KRTAP24-1: variants seen among roughly 807,000 people sequenced by gnomAD.
KRTAP24-1 encodes keratin associated protein 24-1, also known as keratin-associated protein 24-1.
For missense variants in KRTAP24-1, 344 were observed against 303.2 expected, an observed-to-expected ratio of 1.13 and a Z score of -1.00; for synonymous variants, 133 against 116.3, an observed-to-expected ratio of 1.14 and a Z score of -0.92.
rs771819403 is a variant in KRTAP24-1, at chr21:30,282,888, G to A, written c.45C>T (p.Cys15=). 6.2e-7 allele frequency: 1 copy of A among 1,613,626 alleles called. No homozygotes were observed. The highest frequency in any genetic ancestry group is 8.5e-7 in the Non-Finnish European group (1 of 1,179,692). ...AGTGAGTTCTGTATGATGTGGTACT[G>A]CAGACCCCAGGATAGCCTGTAGTAG... ...SMSTTGYPGV[C]STTSYRTHCY... is the part of the protein sequence containing the mutation. The change falls in exon 1 of 1, where the codon TGC becomes TGT. Residue 15 remains cysteine, a synonymous_variant. Coordinates refer to ENST00000340345, the MANE Select transcript of KRTAP24-1 (RefSeq NM_001085455.3).
chr21:30,281,909 A>G lies in KRTAP24-1; in HGVS notation c.*259T>C. 2.4e-6 allele frequency: 1 copy of G among 416,760 alleles called. No individual in the cohort carries two copies. The highest frequency in any genetic ancestry group is 4.2e-6 in the Non-Finnish European group (1 of 235,602). The allele number at this position is 416,760 out of a possible 1,614,324, so 25.8% of individuals were successfully genotyped here. A position where few individuals can be genotyped will look rare whatever the true frequency, so the allele number is the denominator to read the frequency against. ...CAAATGGAGTCTCTTCGGTAAGTCC[A>G]TTGTAATAAATCTCAGAAATAATGA... On this transcript the variant is annotated 3_prime_UTR_variant, in exon 1 of 1. Coordinates refer to ENST00000340345, the MANE Select transcript of KRTAP24-1 (RefSeq NM_001085455.3).
Position 30,282,283 on chromosome 21 carries a change from C to T in KRTAP24-1, c.650G>A (p.Ser217Asn). ...AGATAAATAGCTCAGTGGTCGGCAGCTCGTAGGCCTGTAGCTTGAATAGTG... is the reference window on the plus strand; with the variant it reads ...AGATAAATAGCTCAGTGGTCGGCAGTTCGTAGGCCTGTAGCTTGAATAGTG... ...NYHYSSYRPT[S>N]CRPLSYLSRS... Residue 217 changes from serine (S) to asparagine (N), a missense_variant, in exon 1 of 1, where the codon AGC becomes AAC. By Grantham distance (46) the Ser-to-Asn change is conservative (BLOSUM62 1). Coordinates refer to ENST00000340345, the MANE Select transcript of KRTAP24-1 (RefSeq NM_001085455.3). The T allele has an allele frequency of 6.2e-7, 1 of 1,614,038 alleles. No individual in the cohort carries two copies. Among genetic ancestry groups the T allele is most frequent in the Non-Finnish European group, 8.5e-7 (1 of 1,179,976 alleles).
chr21:30,282,628 TG>T, the KRTAP24-1 span: 1 of 1,589,524 alleles, frequency 6.3e-7, no homozygotes. Context: ...ACTGAAGACT[TG>T]GCCTGCTGAT....
chr21:30,282,872 T>G lies in KRTAP24-1; in HGVS notation c.61A>C (p.Arg21=), dbSNP rs1980761863. ...YPGVCSTTSY[R]THCYIPVTSS... ...GTCACTGGGATATAACAGTGAGTTC[T>G]GTATGATGTGGTACTGCAGACCCCA... is the stretch of plus-strand genomic sequence containing the variant. Residue 21 remains arginine, a synonymous_variant, in exon 1 of 1, where the codon AGA becomes CGA. Transcript: ENST00000340345. 6.2e-7 allele frequency: 1 copy of G among 1,613,798 alleles called. No homozygotes were observed. The highest frequency in any genetic ancestry group is 1.3e-5 in the African/African-American group (1 of 74,884).
chr21:30,282,608 T>G lies in KRTAP24-1; in HGVS notation c.325A>C (p.Thr109Pro). ...SAGQVFSVCETTNVSPSPSCS... is the reference protein window; with the variant it reads ...SAGQVFSVCEPTNVSPSPSCS... The stretch of plus-strand genomic sequence containing the variant: ...CTGGGGCTGGGGCTGACGTTGGTAG[T>G]TTCACAGACACTGAAGACTTGGCCT... The change falls in exon 1 of 1, where the codon ACT (threonine) becomes CCT (proline). Residue 109 changes from threonine to proline, a missense_variant. Coordinates refer to ENST00000340345, the MANE Select transcript of KRTAP24-1 (RefSeq NM_001085455.3). 19 of 1,588,362 alleles carry G rather than the reference T, an allele frequency of 1.2e-5. No homozygotes were observed. Among genetic ancestry groups the G allele is most frequent in the Non-Finnish European group, 1.6e-5 (19 of 1,167,574 alleles).
rs1217590856 is a variant in KRTAP24-1 at position 30,282,198 on chromosome 21, G to A, written c.735C>T (p.Cys245=). Residue 245 remains cysteine (C), a synonymous_variant, in exon 1 of 1, where the codon TGC becomes TGT. Transcript: ENST00000340345. The stretch of plus-strand genomic sequence containing the variant: ...AGCATTTCAGAGGTCTGCTACCACT[G>A]CACAAATACCTCAGAGGTGGAAAGG... ...PSTFPPLRYL[C]SGSRPLKCY 1 of 1,613,308 alleles carries A rather than the reference G, an allele frequency of 6.2e-7. No individual in the cohort carries two copies. The highest frequency in any genetic ancestry group is 1.3e-5 in the African/African-American group (1 of 75,016).
At position 30,282,240 on chromosome 21, in the gene KRTAP24-1, C is replaced by G; in HGVS notation, c.693G>C (p.Leu231=). The stretch of plus-strand genomic sequence containing the variant: ...GTGGAAAGGTACTGGGTATATAGCT[C>G]AGAGATCTGAAGCTTCTAGATAAAT... ...LSYLSRSFRS[L]SYIPSTFPPL... The change falls in exon 1 of 1, where the codon CTG becomes CTC. Residue 231 remains leucine, a synonymous_variant. Coordinates refer to ENST00000340345, the MANE Select transcript of KRTAP24-1 (RefSeq NM_001085455.3). 1 of 1,614,012 alleles carries G rather than the reference C, an allele frequency of 6.2e-7. No individual in the cohort carries two copies. Among genetic ancestry groups the G allele is most frequent in the Non-Finnish European group, 8.5e-7 (1 of 1,179,940 alleles).
At position 30,282,243 on chromosome 21, in the gene KRTAP24-1, A is replaced by G. The variant is rs915586848; in HGVS notation, c.690T>C (p.Ser230=). The G allele has an allele frequency of 5.0e-6, 8 of 1,613,950 alleles. No individual in the cohort carries two copies. In the African/African-American group the frequency reaches 9.3e-5, roughly 19 times the overall value. The change falls in exon 1 of 1, where the codon TCT becomes TCC. Residue 230 remains serine, a synonymous_variant. Coordinates refer to ENST00000340345, the MANE Select transcript of KRTAP24-1 (RefSeq NM_001085455.3). The part of the protein sequence containing the change: ...PLSYLSRSFR[S]LSYIPSTFPP... ...GAAAGGTACTGGGTATATAGCTCAG[A>G]GATCTGAAGCTTCTAGATAAATAGC...
At position 30,282,597 on chromosome 21, in the gene KRTAP24-1, G is replaced by GGGGCTT; in HGVS notation, c.335_336insAAGCCC (p.Pro116_Ser117dup). On this transcript the variant is annotated inframe_insertion, in exon 1 of 1. Transcript: ENST00000340345. ...TTGGGCTGCAGCTGGGGCTGGGGCTGACGTTGGTAGTTTCACAGACACTGA... is the reference window on the plus strand; with the variant it reads ...TTGGGCTGCAGCTGGGGCTGGGGCTGGGGCTTACGTTGGTAGTTTCACAGACACTGA... The GGGGCTT allele has an allele frequency of 6.3e-7, 1 of 1,589,270 alleles. No individual in the cohort carries two copies. Among genetic ancestry groups the GGGGCTT allele is most frequent in the Non-Finnish European group, 8.6e-7 (1 of 1,167,888 alleles).
chr21:30,282,325 T>C lies in KRTAP24-1; in HGVS notation c.608A>G (p.Tyr203Cys), dbSNP rs766937374. 6.2e-7 allele frequency: 1 copy of C among 1,614,174 alleles called. No homozygotes were observed. Among genetic ancestry groups the C allele is most frequent in the Non-Finnish European group, 8.5e-7 (1 of 1,180,006 alleles). The change falls in exon 1 of 1, where the codon TAT (tyrosine) becomes TGT (cysteine). Residue 203 changes from tyrosine (Y) to cysteine (C), a missense_variant. Coordinates refer to ENST00000340345, the MANE Select transcript of KRTAP24-1 (RefSeq NM_001085455.3). The stretch of plus-strand genomic sequence containing the variant: ...TGAATAGTGATAATTTCTCACTAAA[T>C]AGCTTTGGGGTTGGCAGCTGTTGGA... ...YISNSCQPQS[Y>C]LVRNYHYSSY...
At position 30,282,274 on chromosome 21, in the gene KRTAP24-1, G is replaced by A. The variant is rs1019571347; in HGVS notation, c.659C>T (p.Pro220Leu). ...GAAGCTTCTAGATAAATAGCTCAGTGGTCGGCAGCTCGTAGGCCTGTAGCT... is the reference window on the plus strand; with the variant it reads ...GAAGCTTCTAGATAAATAGCTCAGTAGTCGGCAGCTCGTAGGCCTGTAGCT... ...YSSYRPTSCR[P>L]LSYLSRSFRS... Residue 220 changes from proline to leucine, a missense_variant, in exon 1 of 1, where the codon CCA becomes CTA. Transcript: ENST00000340345. 1 of 1,613,960 alleles carries A rather than the reference G, an allele frequency of 6.2e-7. No individual in the cohort carries two copies. The highest frequency in any genetic ancestry group is 8.5e-7 in the Non-Finnish European group (1 of 1,179,994).
Position 30,282,819 on chromosome 21 carries a change from A to C in KRTAP24-1, c.114T>G (p.Asp38Glu). 1 of 1,613,940 alleles carries C rather than the reference A, an allele frequency of 6.2e-7. No individual in the cohort carries two copies. The change falls in exon 1 of 1, where the codon GAT becomes GAG. Residue 38 changes from aspartate to glutamate, a missense_variant. Coordinates refer to ENST00000340345, the MANE Select transcript of KRTAP24-1 (RefSeq NM_001085455.3). ...AGCAGTGTCCAAAGGTAGGGCTTAA[A>C]TCACTGGAGCTAAGAGTAACAGAAG... The part of the protein sequence containing the change: ...VTSSVTLSSS[D>E]LSPTFGHCLP...
chr21:30,282,568 G>A lies in KRTAP24-1; in HGVS notation c.365C>T (p.Thr122Ile). 1.9e-6 allele frequency: 3 copies of A among 1,598,102 alleles called. No individual in the cohort carries two copies. Among genetic ancestry groups the A allele is most frequent in the Non-Finnish European group, 2.6e-6 (3 of 1,171,834 alleles). The change falls in exon 1 of 1, where the codon ACC (threonine) becomes ATC (isoleucine). Residue 122 changes from threonine (T) to isoleucine (I), a missense_variant. Transcript: ENST00000340345. ...ATTGCATACATACCCATTGGTCTGG[G>A]TGCTTGGGCTGCAGCTGGGGCTGGG... ...VSPSPSCSPS[T>I]QTNGYVCNCH...
Position 30,282,244 on chromosome 21 carries a change from G to A in KRTAP24-1, c.689C>T (p.Ser230Phe). ...AAAGGTACTGGGTATATAGCTCAGA[G>A]ATCTGAAGCTTCTAGATAAATAGCT... The part of the protein sequence containing the change: ...PLSYLSRSFR[S>F]LSYIPSTFPP... The change falls in exon 1 of 1, where the codon TCT (serine) becomes TTT (phenylalanine). Residue 230 changes from serine to phenylalanine, a missense_variant. Coordinates refer to ENST00000340345, the MANE Select transcript of KRTAP24-1 (RefSeq NM_001085455.3). The A allele has an allele frequency of 6.2e-7, 1 of 1,614,022 alleles. No individual in the cohort carries two copies. Among genetic ancestry groups the A allele is most frequent in the East Asian group, 2.2e-5 (1 of 44,868 alleles).
chr21:30,281,970 A>G lies in KRTAP24-1; in HGVS notation c.*198T>C. 1.7e-6 allele frequency: 1 copy of G among 577,656 alleles called. No individual in the cohort carries two copies. The highest frequency in any genetic ancestry group is 2.9e-5 in the East Asian group (1 of 35,038). 35.8% of individuals were successfully genotyped at this position (577,656 alleles called of 1,614,324 possible). On this transcript the variant is annotated 3_prime_UTR_variant, in exon 1 of 1. Transcript: ENST00000340345. ...AGGGTCAGCTTTTAGTACAAAGAGC[A>G]ATAACAGAACAACAGAAAAAAGAAA...
rs1279480598 is a variant in KRTAP24-1, at chr21:30,282,270, C to G, written c.663G>C (p.Leu221=). 6.2e-7 allele frequency: 1 copy of G among 1,614,078 alleles called. No individual in the cohort carries two copies. Among genetic ancestry groups the G allele is most frequent in the South Asian group, 1.1e-5 (1 of 91,082 alleles). The part of the protein sequence containing the change: ...SSYRPTSCRP[L]SYLSRSFRSL... Reference sequence around the variant, plus strand: ...ATCTGAAGCTTCTAGATAAATAGCTCAGTGGTCGGCAGCTCGTAGGCCTGT... The same window carrying G: ...ATCTGAAGCTTCTAGATAAATAGCTGAGTGGTCGGCAGCTCGTAGGCCTGT... The change falls in exon 1 of 1, where the codon CTG becomes CTC. Residue 221 remains leucine, a synonymous_variant. Transcript: ENST00000340345.
rs1980707193 is a variant in KRTAP24-1, at chr21:30,281,745, C to A, written c.*423G>T. 1 of 165,802 alleles carries A rather than the reference C, an allele frequency of 6.0e-6. No homozygotes were observed. Among genetic ancestry groups the A allele is most frequent in the African/African-American group, 2.4e-5 (1 of 41,672 alleles). 10.3% of individuals were successfully genotyped at this position (165,802 alleles called of 1,614,324 possible). A position where few individuals can be genotyped will look rare whatever the true frequency, so the allele number is the denominator to read the frequency against. ...ACAAAAATATTAATGACAATCAAAG[C>A]CATCCGAATGAATTTGCATGCTGGA... On this transcript the variant is annotated 3_prime_UTR_variant, in exon 1 of 1. Coordinates refer to ENST00000340345, the MANE Select transcript of KRTAP24-1 (RefSeq NM_001085455.3).
At position 30,282,564 on chromosome 21, in the gene KRTAP24-1, C is replaced by T; in HGVS notation, c.369G>A (p.Gln123=). 1 of 1,599,884 alleles carries T rather than the reference C, an allele frequency of 6.3e-7. No individual in the cohort carries two copies. ...SPSPSCSPST[Q]TNGYVCNCHI... ...GGCAATTGCATACATACCCATTGGT[C>T]TGGGTGCTTGGGCTGCAGCTGGGGC... The change falls in exon 1 of 1, where the codon CAG becomes CAA. Residue 123 remains glutamine (Q), a synonymous_variant. Coordinates refer to ENST00000340345, the MANE Select transcript of KRTAP24-1 (RefSeq NM_001085455.3).
chr21:30,282,693 G>T lies in KRTAP24-1; in HGVS notation c.240C>A (p.Thr80=). The T allele has an allele frequency of 6.2e-7, 1 of 1,612,554 alleles. No homozygotes were observed. The highest frequency in any genetic ancestry group is 8.5e-7 in the Non-Finnish European group (1 of 1,179,188). ...TCKSPSCEPK[T]CSTTGCDPSN... is the part of the protein sequence containing the mutation. ...ACGGGTCACAACCAGTGGTACTGCAGGTCTTGGGCTCACAGCTGGGAGATT... is the reference window on the plus strand; with the variant it reads ...ACGGGTCACAACCAGTGGTACTGCATGTCTTGGGCTCACAGCTGGGAGATT... Residue 80 remains threonine, a synonymous_variant, in exon 1 of 1, where the codon ACC becomes ACA. Coordinates refer to ENST00000340345, the MANE Select transcript of KRTAP24-1 (RefSeq NM_001085455.3).
Sources: gnomAD v4.1 joint callset for allele counts on GRCh38, gnomAD v4.1.1 for gene constraint, MANE v1.5 for transcripts, NCBI Gene and HGNC (gene_info 2026-07-23, HGNC 2026-07-21) for gene names.